Variants in PROS1 observed in about 807,000 individuals in gnomAD.
PROS1 encodes the protein vitamin K-dependent protein S.
A neutral mutation model predicts 75.9 loss-of-function variants in PROS1; 29 were observed. That is an observed-to-expected ratio of 0.38 (90% CI 0.28 to 0.52). The LOEUF (loss-of-function observed/expected upper bound fraction) is 0.52, where lower values mean the gene tolerates loss of function less well. PROS1 is among the 20% of genes least tolerant of loss of function. The pLI, the probability that PROS1 is intolerant of heterozygous loss-of-function variation, is 0.83. For synonymous variants in PROS1, 245 were observed against 280.6 expected (o/e 0.87, Z 1.27); for missense variants, 680 against 810.3 (o/e 0.84, Z 1.95).
chr3:93,959,010 T>G (rs946871059), intron 1 of PROS1, among the ~76,000 whole-genome samples: 1 of 152,192 alleles, frequency 6.6e-6, no homozygotes, highest in African/African-American at 2.4e-5. Context: ...GTTGTTTATA[T>G]TTAAGCAACT....
At chr3:93,925,748 G>C (rs1400202001) in intron 2 of PROS1, among the ~76,000 whole-genome samples, 2 of 151,398 alleles carry the variant, frequency 1.3e-5, no homozygotes, top group Non-Finnish European at 2.9e-5. Flanking sequence ...TGCCTGAGCG[G>C]GGGGGTCAGG....
chr3:93,907,066 C>T (rs73145861), intron 4 of PROS1, among the ~76,000 whole-genome samples: 1 of 152,186 alleles, frequency 6.6e-6, no homozygotes, highest in Non-Finnish European at 1.5e-5. Flanking sequence ...AGGGTAGGTC[C>T]CCTGTGAAGT....
intron 1 of PROS1, among the ~76,000 whole-genome samples, chr3:93,967,375 A>G (rs1474220909): frequency 6.6e-6 from 1 of 152,180 alleles, no homozygotes; most frequent in African/African-American, 2.4e-5. Flanking sequence ...GCCACACAAC[A>G]CTACCTCTAA....
chr3:93,909,610 A>T (rs8178626), intron 4 of PROS1, among the ~76,000 whole-genome samples: 71,206 of 151,820 alleles, frequency 0.47, 18,124 homozygotes, highest in South Asian at 0.63. Context: ...TTCTGCACAT[A>T]TCCACACCAG....
intron 1 of PROS1, among the ~76,000 whole-genome samples, chr3:93,929,405 TG>T (rs1709072528): frequency 6.6e-6 from 1 of 151,516 alleles, no homozygotes. Flanking sequence ...CTTGAGCCTG[TG>T]GGGGGTCAAG....
At chr3:93,891,660 T>G (rs1708432148) in intron 10 of PROS1, among the ~76,000 whole-genome samples, 1 of 152,182 alleles carries the variant, frequency 6.6e-6, no homozygotes, top group East Asian at 1.9e-4. Context: ...TCCACCTGCC[T>G]TGGCCTCCTA....
intron 10 of PROS1, among the ~76,000 whole-genome samples, chr3:93,886,739 TA>T (rs537839759): frequency 9.9e-5 from 15 of 151,938 alleles, no homozygotes; most frequent in East Asian, 1.9e-4. Context: ...ATTTTAAAGT[TA>T]AAAAAAATAC....
At chr3:93,888,086 C>T (rs1201294137) in intron 10 of PROS1, among the ~76,000 whole-genome samples, 2 of 152,186 alleles carry the variant, frequency 1.3e-5, no homozygotes, top group African/African-American at 4.8e-5. Flanking sequence ...TGAGTTTGTG[C>T]ATACATAGAC....
chr3:93,904,813 G>T (rs1708649580), intron 6 of PROS1, among the ~76,000 whole-genome samples: 1 of 151,092 alleles, frequency 6.6e-6, no homozygotes, highest in Admixed American at 6.6e-5. Flanking sequence ...TATACAAAGA[G>T]AAAAAAAGTC....
chr3:93,945,815 T>C (rs985716031), intron 1 of PROS1, among the ~76,000 whole-genome samples: 92 of 152,192 alleles, frequency 6.0e-4, no homozygotes, highest in Admixed American at 3.4e-3. Context: ...CCTGGGCAAT[T>C]GGGCAGGAGA....
At chr3:93,936,832 C>T (rs936304276) in intron 1 of PROS1, among the ~76,000 whole-genome samples, 15 of 152,168 alleles carry the variant, frequency 9.9e-5, no homozygotes, top group Non-Finnish European at 1.5e-4. Context: ...TTTATGGCTT[C>T]TCCCTCTAGG....
intron 9 of PROS1, 142 bp from the exon 10 acceptor site, chr3:93,893,264 A>C (rs1708458734): frequency 1.3e-6 from 1 of 794,798 alleles, no homozygotes; most frequent in African/African-American, 1.7e-5. Flanking sequence ...AATAAAAGAG[A>C]AGGGCAGAAT....
intron 1 of PROS1, among the ~76,000 whole-genome samples, chr3:93,934,728 A>AG (rs1485778141): frequency 6.6e-6 from 1 of 152,032 alleles, no homozygotes; most frequent in East Asian, 1.9e-4. Context: ...CATTAAGGAT[A>AG]GGGGAGTGTA....
chr3:93,887,088 T>G (rs917970070), intron 10 of PROS1, among the ~76,000 whole-genome samples: 1 of 151,524 alleles, frequency 6.6e-6, no homozygotes, highest in African/African-American at 2.4e-5. Flanking sequence ...CCGGCTAATT[T>G]TTTGTATTTT....
chr3:93,941,016 G>T (rs1031264917), intron 1 of PROS1, among the ~76,000 whole-genome samples: 1 of 152,064 alleles, frequency 6.6e-6, no homozygotes, highest in Non-Finnish European at 1.5e-5. Context: ...TCTTAACGAT[G>T]GTTTTTTCAC....
At chr3:93,934,414 T>A (rs1292301691) in intron 1 of PROS1, among the ~76,000 whole-genome samples, 1 of 152,190 alleles carries the variant, frequency 6.6e-6, no homozygotes, top group Non-Finnish European at 1.5e-5. Context: ...TATGTAGGGA[T>A]TCACCAACTA....
At chr3:93,920,508 T>G (rs1289710011) in intron 3 of PROS1, among the ~76,000 whole-genome samples, 1 of 152,182 alleles carries the variant, frequency 6.6e-6, no homozygotes, top group Non-Finnish European at 1.5e-5. Flanking sequence ...TGGATTTTTA[T>G]AGGAGAGTCA....
intron 1 of PROS1, among the ~76,000 whole-genome samples, chr3:93,960,706 T>C (rs992536482): frequency 3.9e-5 from 6 of 151,938 alleles, no homozygotes; most frequent in African/African-American, 1.4e-4. Context: ...AAAATCAATT[T>C]GGAGATTTGA....
At chr3:93,943,966 A>G (rs1375895006) in intron 1 of PROS1, among the ~76,000 whole-genome samples, 3 of 152,094 alleles carry the variant, frequency 2.0e-5, no homozygotes, top group African/African-American at 2.4e-5. Flanking sequence ...ATCTTCCTTC[A>G]CTGACTCTCT....
Sources: allele counts gnomAD v4.1 joint callset (sites outside exome capture counted in the v4.1 genomes callset), GRCh38; gene constraint gnomAD v4.1.1; transcripts MANE v1.5; gene names NCBI Gene and HGNC (gene_info 2026-07-23, HGNC 2026-07-21).